Variants in OTOG observed in about 807,000 individuals in gnomAD.
OTOG encodes the protein otogelin.
OTOG carries 296 observed loss-of-function variants against 313.8 expected under a neutral mutation model. The ratio of observed to expected loss-of-function variants is 0.94; its 90% confidence interval spans 0.86 to 1.04. The LOEUF (loss-of-function observed/expected upper bound fraction) is 1.04. Ranked by LOEUF, OTOG falls within the 50% of genes least tolerant of loss-of-function variation. The pLI, the probability that OTOG is intolerant of heterozygous loss-of-function variation, is 0.00. For missense variants in OTOG, 3,948 were observed against 3,840.1 expected, an observed-to-expected ratio of 1.03 and a Z score of -0.74; for synonymous variants, 1,533 against 1,554.9, an observed-to-expected ratio of 0.99 and a Z score of 0.33.
At chr11:17,643,352 G>A (rs542876252) in intron 53 of OTOG, 109 bp from the exon 54 acceptor site, 12 of 704,500 alleles carry the variant, frequency 1.7e-5, no homozygotes, top group Admixed American at 4.2e-5. Context: ...GGGCATCACG[G>A]GGAGAGAAGA....
At chr11:17,631,595 T>C in intron 40 of OTOG, 107 bp from the exon 41 acceptor site, 1 of 886,526 alleles carries the variant, frequency 1.1e-6, no homozygotes, top group Non-Finnish European at 1.7e-6. Flanking sequence ...ATGGGGATAA[T>C]GGTATTATTG....
intron 3 of OTOG, among the ~76,000 whole-genome samples, chr11:17,549,038 A>G (rs1859823): frequency 0.12 from 18,256 of 152,152 alleles, 1,206 homozygotes; most frequent in South Asian, 0.28. Flanking sequence ...AGTCTTGACC[A>G]TTCCACTGCC....
chr11:17,604,293 G>T (rs774450457), intron 32 of OTOG, among the ~76,000 whole-genome samples: 105 of 152,216 alleles, frequency 6.9e-4, no homozygotes, highest in Admixed American at 6.8e-3. Flanking sequence ...GAAAACAGTG[G>T]AGAAGCCTTG....
At chr11:17,631,642 C>A (rs184515264) in intron 40 of OTOG, 60 bp from the exon 41 acceptor site, 3 of 1,359,890 alleles carry the variant, frequency 2.2e-6, no homozygotes, top group Non-Finnish European at 2.0e-6. Flanking sequence ...AAAGTGAGAG[C>A]TGACGACATG....
rs372273503 is a variant in OTOG at position 17,569,718 on chromosome 11, G to A, written c.1777+430G>A. ...CAACAGGGGCTCAAGGTTGGGAGGA[G>A]TGGGGATGCACTGGGTGTCAACAGG... On this transcript the variant is annotated intron_variant, in intron 16 of 55. Transcript: ENST00000399397. Among the ~76,000 whole-genome samples, 23 of 152,340 alleles carry A rather than the reference G, an allele frequency of 1.5e-4. No individual in the cohort carries two copies. The South Asian group carries it at 4.6e-3, about 30-fold the overall frequency.
chr11:17,578,252 G>A lies in OTOG; in HGVS notation c.2606-121G>A, dbSNP rs7949599. Reference sequence around the variant, plus strand: ...GGGAAACCAAGCAATGCCCAGGAGCGACCAGGGAGGGAGGAGACTTCCGAG... The same window carrying A: ...GGGAAACCAAGCAATGCCCAGGAGCAACCAGGGAGGGAGGAGACTTCCGAG... On this transcript the variant is annotated intron_variant, in intron 22 of 55. Transcript: ENST00000399397. 56,287 of 1,404,608 alleles carry A rather than the reference G, an allele frequency of 0.04. 1,387 individuals carry two copies. Among genetic ancestry groups the A allele is most frequent in the African/African-American group, 0.098 (6,715 of 68,870 alleles). 87.0% of individuals were successfully genotyped at this position (1,404,608 alleles called of 1,614,324 possible). A position where few individuals can be genotyped will look rare whatever the true frequency, so the allele number is the denominator to read the frequency against.
intron 35 of OTOG, 41 bp downstream of exon 35, chr11:17,609,250 C>A: frequency 6.6e-7 from 1 of 1,519,818 alleles, no homozygotes. Flanking sequence ...CAGATTTCCT[C>A]TAAGTCCCTA....
At position 17,561,772 on chromosome 11, in the gene OTOG, T is replaced by C; in HGVS notation, c.1609T>C (p.Phe537Leu). The change falls in exon 15 of 56, where the codon TTC becomes CTC. Residue 537 changes from phenylalanine to leucine, a missense_variant. Phe to Leu is a conservative substitution (Grantham distance 22, BLOSUM62 0). Coordinates refer to ENST00000399397, the MANE Select transcript of OTOG (RefSeq NM_001292063.2). ...ILAKSRSSGTFTVTLQNAPCG... is the reference protein window; with the variant it reads ...ILAKSRSSGTLTVTLQNAPCG... ...GGCCAAGAGCCGCTCTTCGGGCACC[T>C]TCACCGTGACATTGCAGAATGCCCC... The C allele has an allele frequency of 2.6e-6, 4 of 1,550,520 alleles. No homozygotes were observed. Among genetic ancestry groups the C allele is most frequent in the Non-Finnish European group, 3.5e-6 (4 of 1,146,972 alleles).
At chr11:17,547,658 G>A in intron 1 of OTOG, 192 bp downstream of exon 1, 1 of 1,093,328 alleles carries the variant, frequency 9.1e-7, no homozygotes. Context: ...ATGACCGCGG[G>A]GGAAAGAGTC....
chr11:17,610,311 G>T lies in OTOG; in HGVS notation c.5011G>T (p.Ala1671Ser), dbSNP rs1344918440. The change falls in exon 36 of 56, where the codon GCA becomes TCA. Residue 1671 changes from alanine (A) to serine (S), a missense_variant. Transcript: ENST00000399397. ...SGSHKAVLTP[A>S]VTKVISRTGV... is the part of the protein sequence containing the mutation. The stretch of plus-strand genomic sequence containing the variant: ...ATCCCACAAGGCTGTGCTGACACCT[G>T]CAGTAACTAAGGTCATAAGCAGGAC... 1.3e-6 allele frequency: 2 copies of T among 1,550,578 alleles called. No homozygotes were observed. Among genetic ancestry groups the T allele is most frequent in the African/African-American group, 2.7e-5 (2 of 73,038 alleles).
At chr11:17,624,328 T>C (rs1351254644) in intron 39 of OTOG, among the ~76,000 whole-genome samples, 1 of 152,252 alleles carries the variant, frequency 6.6e-6, no homozygotes, top group African/African-American at 2.4e-5. Context: ...TTAATATTTG[T>C]ATATGGCGTA....
rs1193112791 is a variant in OTOG at position 17,559,057 on chromosome 11, T to C, written c.1109T>C (p.Met370Thr). 1.3e-6 allele frequency: 2 copies of C among 1,548,320 alleles called. No individual in the cohort carries two copies. Among genetic ancestry groups the C allele is most frequent in the Non-Finnish European group, 1.7e-6 (2 of 1,146,720 alleles). Residue 370 changes from methionine to threonine, a missense_variant, in exon 11 of 56, where the codon ATG (methionine) becomes ACG (threonine). By Grantham distance (81) the Met-to-Thr change is moderately conservative. Transcript: ENST00000399397. ...ASCTSDLCQS[M>T]GDVATWCRAL... ...CCCTTGGTTTCTCTGCACAGATCAA[T>C]GGGTGATGTAGCCACCTGGTGCCGG...
chr11:17,616,150 C>T (rs1853713663), intron 39 of OTOG, among the ~76,000 whole-genome samples: 4 of 151,954 alleles, frequency 2.6e-5, no homozygotes, highest in Non-Finnish European at 5.9e-5. Context: ...GCCTCGATCT[C>T]CTGGGCTCAG....
intron 54 of OTOG, among the ~76,000 whole-genome samples, chr11:17,644,317 G>A (rs1267475935): frequency 6.6e-6 from 1 of 152,282 alleles, no homozygotes; most frequent in Non-Finnish European, 1.5e-5. Flanking sequence ...CTGGAGCAGA[G>A]AGGGAAGACA....
chr11:17,559,761 A>T, intron 12 of OTOG, 99 bp downstream of exon 12: 12 of 384,582 alleles, frequency 3.1e-5, no homozygotes, highest in East Asian at 1.1e-4. Context: ...TGTGGAAGGA[A>T]GGAAGGAAAG....
At chr11:17,617,710 T>A (rs1853757421) in intron 39 of OTOG, among the ~76,000 whole-genome samples, 1 of 152,200 alleles carries the variant, frequency 6.6e-6, no homozygotes. Context: ...CTGACTAGCC[T>A]GGCTAGAGGC....
intron 44 of OTOG, among the ~76,000 whole-genome samples, chr11:17,634,634 C>T (rs1044668224): frequency 6.6e-6 from 1 of 152,130 alleles, no homozygotes; most frequent in Non-Finnish European, 1.5e-5. Context: ...GGGTGCGTGT[C>T]AATGGATGTT....
chr11:17,633,552 ATGCACTCTCTGC>A (rs1854184387), intron 42 of OTOG, 116 bp from the exon 43 acceptor site: 2 of 858,402 alleles, frequency 2.3e-6, no homozygotes, highest in East Asian at 5.5e-5. Context: ...CCTTTAACTT[ATGCACTCTCTGC>A]TGAGGTGCTG....
chr11:17,602,440 A>T, intron 32 of OTOG, 63 bp downstream of exon 32: 1 of 1,493,212 alleles, frequency 6.7e-7, no homozygotes, highest in Non-Finnish European at 9.0e-7. Context: ...AGAGGAGGGG[A>T]GGGTGCTGAG....
Sources: gnomAD v4.1 joint callset for allele counts (sites outside exome capture counted in the v4.1 genomes callset) on GRCh38, gnomAD v4.1.1 for gene constraint, MANE v1.5 for transcripts, NCBI Gene and HGNC (gene_info 2026-07-23, HGNC 2026-07-21) for gene names.